PCDHGA3: variants seen among roughly 807,000 people sequenced by gnomAD.
The protein encoded by PCDHGA3 is protocadherin gamma subfamily A, 3.
Under a neutral mutation model 58.5 loss-of-function variants are expected in PCDHGA3, and 40 were observed. The ratio of observed to expected loss-of-function variants is 0.68; its 90% CI spans 0.53 to 0.89. The LOEUF is 0.89. PCDHGA3 is among the 40% of genes least tolerant of loss of function. PCDHGA3 has a pLI of 0.00. For missense variants in PCDHGA3, 1,223 were observed against 1,195.9 expected, an observed-to-expected ratio of 1.02 and a Z score of -0.33; for synonymous variants, 530 against 525.7, an observed-to-expected ratio of 1.01 and a Z score of -0.11.
intron 1 of PCDHGA3, chr5:141,351,237 A>T: frequency 6.2e-7 from 1 of 1,613,758 alleles, no homozygotes; most frequent in Non-Finnish European, 8.5e-7. Context: ...CACACAGCTC[A>T]CTGTAATGTT....
At chr5:141,419,667 G>T in intron 1 of PCDHGA3, 1 of 1,612,894 alleles carries the variant, frequency 6.2e-7, no homozygotes, top group South Asian at 1.1e-5. Flanking sequence ...CACAATGCCT[G>T]GCTGTCCTAC....
chr5:141,450,900 C>T (rs907024071), intron 1 of PCDHGA3, among the ~76,000 whole-genome samples: 9 of 151,048 alleles, frequency 6.0e-5, no homozygotes, highest in Non-Finnish European at 1.2e-4. Flanking sequence ...TATCGGCTCA[C>T]TGCAACCGCT....
At chr5:141,369,704 C>T (rs1256951546) in intron 1 of PCDHGA3, among the ~76,000 whole-genome samples, 1 of 152,224 alleles carries the variant, frequency 6.6e-6, no homozygotes, top group Non-Finnish European at 1.5e-5. Context: ...AAAGCTATGA[C>T]ATTATAACTT....
At chr5:141,497,461 A>G (rs541848982) in intron 2 of PCDHGA3, among the ~76,000 whole-genome samples, 2 of 151,526 alleles carry the variant, frequency 1.3e-5, no homozygotes, top group Admixed American at 1.3e-4. Context: ...GCTCTTGGAG[A>G]TATGGAGGAG....
chr5:141,345,534 C>T lies in PCDHGA3; in HGVS notation c.1501C>T (p.Leu501=). 1 of 1,614,180 alleles carries T rather than the reference C, an allele frequency of 6.2e-7. No homozygotes were observed. Among genetic ancestry groups the T allele is most frequent in the Admixed American group, 1.7e-5 (1 of 60,028 alleles). The change falls in exon 1 of 4, where the codon CTG becomes TTG. Residue 501 remains leucine, a synonymous_variant. Transcript: ENST00000253812. Reference sequence around the variant, plus strand: ...CGAGGACACTCTCCAGGGGGCGCCCCTGTCCTCCTTCGTCTCTATCAACTC... The same window carrying T: ...CGAGGACACTCTCCAGGGGGCGCCCTTGTCCTCCTTCGTCTCTATCAACTC... The part of the protein sequence containing the change: ...LTEDTLQGAP[L]SSFVSINSNT...
intron 1 of PCDHGA3, chr5:141,409,236 C>T (rs1305954301): frequency 1.2e-6 from 2 of 1,613,866 alleles, no homozygotes; most frequent in Non-Finnish European, 8.5e-7. Flanking sequence ...GACAACAGCC[C>T]AGAAATAATC....
At chr5:141,350,862 A>C in intron 1 of PCDHGA3, 1 of 1,614,100 alleles carries the variant, frequency 6.2e-7, no homozygotes, top group South Asian at 1.1e-5. Flanking sequence ...GACAGGGAAC[A>C]TCAGAGCTCT....
chr5:141,375,244 G>T (rs527726605), intron 1 of PCDHGA3: 4 of 1,613,892 alleles, frequency 2.5e-6, no homozygotes, highest in Non-Finnish European at 3.4e-6. Context: ...GTTCCATCCC[G>T]AGAAGTCTCC....
intron 1 of PCDHGA3, chr5:141,352,838 A>G: frequency 1.4e-6 from 1 of 719,242 alleles, no homozygotes; most frequent in African/African-American, 1.8e-5. Flanking sequence ...AATTACAAAA[A>G]TTAGTTGGGT....
In PCDHGA3 at chr5:141,345,395, T is replaced by A; in HGVS notation, c.1362T>A (p.His454Gln). ...ATGACAACCCACCCACCTTCCCTCA[T>A]TTATCCTACTCCGCCTACATTCCAG... is the stretch of plus-strand genomic sequence containing the variant. ...DINDNPPTFP[H>Q]LSYSAYIPEN... The change falls in exon 1 of 4, where the codon CAT becomes CAA. Residue 454 changes from histidine (H) to glutamine (Q), a missense_variant. By Grantham distance (24) the His-to-Gln change is conservative. Coordinates refer to ENST00000253812, the MANE Select transcript of PCDHGA3 (RefSeq NM_018916.4). The A allele has an allele frequency of 1.9e-6, 3 of 1,614,068 alleles. No individual in the cohort carries two copies. Among genetic ancestry groups the A allele is most frequent in the Non-Finnish European group, 2.5e-6 (3 of 1,180,008 alleles).
chr5:141,435,838 C>T (rs1037110579), intron 1 of PCDHGA3, among the ~76,000 whole-genome samples: 1 of 152,062 alleles, frequency 6.6e-6, no homozygotes, highest in Non-Finnish European at 1.5e-5. Context: ...TGCCTATCTA[C>T]TTTGAAAGAT....
At chr5:141,364,634 T>C (rs762469223) in intron 1 of PCDHGA3, 5 of 1,614,006 alleles carry the variant, frequency 3.1e-6, no homozygotes, top group Non-Finnish European at 3.4e-6. Context: ...GAGCCCACTG[T>C]GTGTGGTGAA....
intron 1 of PCDHGA3, among the ~76,000 whole-genome samples, chr5:141,482,179 G>A (rs1398839482): frequency 6.6e-6 from 1 of 152,040 alleles, no homozygotes; most frequent in Non-Finnish European, 1.5e-5. Flanking sequence ...AAGGCTTTAC[G>A]ATGCTCCAGT....
Position 141,414,991 on chromosome 5 carries a change from G to A in PCDHGA3, c.2424+68534G>A, listed in dbSNP as rs1162432290. ...GGTGGACAGAGACTCCGGCCAGAAC[G>A]CCTGGCTGTCCTACCGTCTGCTCAA... On this transcript the variant is annotated intron_variant, in intron 1 of 3. Transcript: ENST00000253812. 10 of 1,613,648 alleles carry A rather than the reference G, an allele frequency of 6.2e-6. No homozygotes were observed. The Admixed American group carries it at 1.2e-4, about 19-fold the overall frequency.
chr5:141,365,668 T>C, intron 1 of PCDHGA3: 1 of 1,613,456 alleles, frequency 6.2e-7, no homozygotes, highest in Non-Finnish European at 8.5e-7. Flanking sequence ...CAGACGTTAA[T>C]GACAACCCAC....
At chr5:141,481,822 G>A (rs1017311512) in intron 1 of PCDHGA3, among the ~76,000 whole-genome samples, 12 of 151,620 alleles carry the variant, frequency 7.9e-5, no homozygotes, top group Non-Finnish European at 1.5e-4. Context: ...CGTGGTGGCT[G>A]AGGCAGGAGA....
intron 1 of PCDHGA3, chr5:141,374,742 C>A (rs1382250910): frequency 1.2e-6 from 2 of 1,611,728 alleles, no homozygotes; most frequent in African/African-American, 1.3e-5. Flanking sequence ...GGCGGCGACC[C>A]TGTCCGCTCA....
rs146358809 is a variant in PCDHGA3, at chr5:141,480,913, C to T, written c.2425-13894C>T. 4.1e-3 allele frequency among the ~76,000 whole-genome samples: 617 copies of T among 152,096 alleles called. 6 individuals are homozygous for T. Among genetic ancestry groups the T allele is most frequent in the Admixed American group, 0.011 (171 of 15,272 alleles). ...TGCAAACATTAGCTGGGCATGGTGG[C>T]GCATACCTGTAGTCCCAGCTACTCT... On this transcript the variant is annotated intron_variant, in intron 1 of 3. Transcript: ENST00000253812.
intron 1 of PCDHGA3, among the ~76,000 whole-genome samples, chr5:141,433,761 T>G (rs2154555909): frequency 6.7e-6 from 1 of 148,664 alleles, no homozygotes; most frequent in Admixed American, 6.8e-5. Context: ...TGCTTTAACC[T>G]GGGAGGTGGA....
Sources: allele counts gnomAD v4.1 joint callset (sites outside exome capture counted in the v4.1 genomes callset), GRCh38; gene constraint gnomAD v4.1.1; transcripts MANE v1.5; gene names NCBI Gene and HGNC (gene_info 2026-07-23, HGNC 2026-07-21).